The following NCALD variants were observed in gnomAD, a reference collection of about 807,000 sequenced individuals.
NCALD encodes the protein neurocalcin delta.
NCALD carries 10 observed loss-of-function variants against 18.6 expected under a neutral mutation model. The observed-to-expected ratio is 0.54, with a 90% CI of 0.33 to 0.91. The LOEUF (loss-of-function observed/expected upper bound fraction) is 0.91. NCALD is among the 40% of genes least tolerant of loss of function. The pLI, the probability that NCALD is intolerant of heterozygous loss-of-function variation, is 0.03. For missense variants in NCALD, 184 were observed against 247.6 expected (o/e 0.74, Z 1.72); for synonymous variants, 88 against 87.4 (o/e 1.01, Z -0.04).
intron 1 of NCALD, among the ~76,000 whole-genome samples, chr8:102,074,113 G>A (rs984018847): frequency 3.9e-5 from 6 of 152,314 alleles, no homozygotes; most frequent in South Asian, 4.1e-4. Flanking sequence ...GGTACAAGGC[G>A]AGAAGACATG....
At chr8:101,944,849 C>T (rs947550838) in intron 2 of NCALD, among the ~76,000 whole-genome samples, 1 of 152,184 alleles carries the variant, frequency 6.6e-6, no homozygotes, top group Non-Finnish European at 1.5e-5. Flanking sequence ...ATTGCTAGTC[C>T]CCGCGTGCTT....
intron 2 of NCALD, among the ~76,000 whole-genome samples, chr8:101,702,327 G>A (rs552106257): frequency 1.4e-4 from 21 of 151,972 alleles, no homozygotes; most frequent in Admixed American, 7.2e-4. Context: ...GACCTCCTGG[G>A]CTCAAACCAT....
intron 2 of NCALD, among the ~76,000 whole-genome samples, chr8:101,917,394 C>A (rs1818008057): frequency 6.6e-6 from 1 of 151,946 alleles, no homozygotes. Context: ...AAAAAGATCT[C>A]AAATTAGAAA....
intron 1 of NCALD, among the ~76,000 whole-genome samples, chr8:102,105,588 A>G (rs1227422390): frequency 6.6e-6 from 1 of 152,184 alleles, no homozygotes; most frequent in Non-Finnish European, 1.5e-5. Context: ...GGCCATACGT[A>G]AGATAAAGAA....
intron 4 of NCALD, among the ~76,000 whole-genome samples, chr8:101,836,580 C>T (rs940677665): frequency 1.3e-5 from 2 of 152,152 alleles, no homozygotes; most frequent in South Asian, 2.1e-4. Flanking sequence ...GTTTGACATA[C>T]CACAGTTCAG....
At chr8:101,812,620 T>C (rs1304285945) in intron 4 of NCALD, among the ~76,000 whole-genome samples, 1 of 152,168 alleles carries the variant, frequency 6.6e-6, no homozygotes, top group Non-Finnish European at 1.5e-5. Context: ...GTTACCCTCA[T>C]CAGAGGAAAA....
upstream of NCALD, among the ~76,000 whole-genome samples, chr8:101,793,166 C>T (rs543026953): frequency 4.6e-5 from 7 of 151,874 alleles, no homozygotes; most frequent in East Asian, 3.9e-4. Flanking sequence ...CTGGCTAACA[C>T]GGTGAAACCC....
Position 101,687,870 on chromosome 8 carries a change from C to T in NCALD, c.*1439G>A, listed in dbSNP as rs914064612. The stretch of plus-strand genomic sequence containing the variant: ...AAACAGCAACTCAGACTTGTGCTGT[C>T]ACTTCTGGAAATAGAAGTCTGCATT... On this transcript the variant is annotated 3_prime_UTR_variant, in exon 4 of 4. Transcript: ENST00000220931. 3.3e-5 allele frequency: 5 copies of T among 152,214 alleles called. No homozygotes were observed. Among genetic ancestry groups the T allele is most frequent in the Non-Finnish European group, 5.9e-5 (4 of 68,046 alleles). The allele number at this position is 152,214 out of a possible 1,614,324, so 9.4% of individuals were successfully genotyped here.
chr8:101,864,046 T>C (rs1054183663), intron 4 of NCALD, among the ~76,000 whole-genome samples: 5 of 152,126 alleles, frequency 3.3e-5, no homozygotes, highest in African/African-American at 1.2e-4. Context: ...ATAAACTACA[T>C]TAACCAACAA....
At chr8:101,905,116 AT>A (rs528458904) in intron 3 of NCALD, among the ~76,000 whole-genome samples, 12 of 152,250 alleles carry the variant, frequency 7.9e-5, no homozygotes, top group African/African-American at 2.9e-4. Context: ...TGAGCTTCCT[AT>A]TTTTTAATCT....
intron 2 of NCALD, among the ~76,000 whole-genome samples, chr8:101,989,728 T>C (rs1820969649): frequency 6.6e-6 from 1 of 152,214 alleles, no homozygotes; most frequent in Admixed American, 6.5e-5. Flanking sequence ...TTTAGTTTCC[T>C]TGGAATAAGT....
chr8:101,896,758 T>A (rs1219465370), intron 3 of NCALD, among the ~76,000 whole-genome samples: 1 of 130,608 alleles, frequency 7.7e-6, no homozygotes, highest in Non-Finnish European at 1.5e-5. Flanking sequence ...AAAAAACACA[T>A]GAAAAAATGC....
In NCALD at chr8:101,688,386, G is replaced by T; in HGVS notation, c.*923C>A. 8.0e-6 allele frequency: 2 copies of T among 251,232 alleles called. No individual in the cohort carries two copies. Among genetic ancestry groups the T allele is most frequent in the South Asian group, 4.9e-5 (1 of 20,618 alleles). The allele number at this position is 251,232 out of a possible 1,614,324, so 15.6% of individuals were successfully genotyped here. On this transcript the variant is annotated 3_prime_UTR_variant, in exon 4 of 4. Transcript: ENST00000220931. ...ATATATAAAATATACTTGTCGATTG[G>T]TACATTTGTGCAAAGACAGATATGA...
At chr8:101,839,621 C>T (rs1814558448) in intron 4 of NCALD, among the ~76,000 whole-genome samples, 1 of 152,160 alleles carries the variant, frequency 6.6e-6, no homozygotes, top group Non-Finnish European at 1.5e-5. Context: ...TTCATTCAAG[C>T]CCCTGGCCTT....
intron 4 of NCALD, among the ~76,000 whole-genome samples, chr8:101,842,612 G>A (rs967157980): frequency 1.3e-5 from 2 of 152,206 alleles, no homozygotes; most frequent in Non-Finnish European, 2.9e-5. Flanking sequence ...CCTTAAGGCA[G>A]GAAGACAGGG....
At chr8:101,904,477 T>C (rs1471053864) in intron 3 of NCALD, among the ~76,000 whole-genome samples, 1 of 152,002 alleles carries the variant, frequency 6.6e-6, no homozygotes, top group Non-Finnish European at 1.5e-5. Flanking sequence ...GGTTAATCCC[T>C]CCGTTTATAT....
intron 3 of NCALD, among the ~76,000 whole-genome samples, chr8:101,911,138 T>C (rs1229650285): frequency 1.3e-5 from 2 of 152,284 alleles, no homozygotes; most frequent in South Asian, 2.1e-4. Flanking sequence ...TTACCAATAG[T>C]ACAGGTGATC....
intron 1 of NCALD, among the ~76,000 whole-genome samples, chr8:102,114,729 A>AC (rs1423757663): frequency 6.6e-6 from 1 of 152,134 alleles, no homozygotes; most frequent in East Asian, 1.9e-4. Context: ...GCCAAATTAT[A>AC]CCAGAAGTCA....
chr8:101,721,364 G>T (rs1014366720), intron 1 of NCALD: 1 of 152,442 alleles, frequency 6.6e-6, no homozygotes, highest in Non-Finnish European at 1.5e-5. Flanking sequence ...AGAGCCCACC[G>T]CAAATGGCAT....
Sources: allele counts gnomAD v4.1 joint callset (sites outside exome capture counted in the v4.1 genomes callset), GRCh38; gene constraint gnomAD v4.1.1; transcripts MANE v1.5; gene names NCBI Gene and HGNC (gene_info 2026-07-23, HGNC 2026-07-21).